The following RBFOX1 variants were observed in gnomAD, a reference collection of about 807,000 sequenced individuals.
The protein encoded by RBFOX1 is RNA binding protein fox-1 homolog 1.
In RBFOX1, 8 loss-of-function variants were observed where a neutral mutation model predicts 57.7. The ratio of observed to expected loss-of-function variants is 0.14; its 90% CI spans 0.08 to 0.25. The LOEUF (loss-of-function observed/expected upper bound fraction) is 0.25. Among genes scored for constraint, RBFOX1 ranks in the 10% least tolerant of loss-of-function variants. The probability of loss-of-function intolerance (pLI) is 1.00; values close to 1 mark genes in which losing one functional copy is unlikely to be tolerated. For missense variants in RBFOX1, 611 were observed against 548.5 expected (o/e 1.11, Z -1.14); for synonymous variants, 326 against 222.4 (o/e 1.47, Z -4.15).
chr16:6,579,044 A>G (rs1215317353), intron 2 of RBFOX1, among the ~76,000 whole-genome samples: 1 of 152,206 alleles, frequency 6.6e-6, no homozygotes, highest in Non-Finnish European at 1.5e-5. Context: ...CTATGAAAAT[A>G]TAAAAATAAC....
chr16:7,209,089 G>A (rs2090585627), intron 4 of RBFOX1, among the ~76,000 whole-genome samples: 1 of 151,790 alleles, frequency 6.6e-6, no homozygotes, highest in South Asian at 2.1e-4. Flanking sequence ...GAGGTCAGGA[G>A]TTCAAGAGCA....
intron 4 of RBFOX1, among the ~76,000 whole-genome samples, chr16:7,437,826 C>G (rs190127074): frequency 4.0e-5 from 6 of 151,332 alleles, no homozygotes; most frequent in Admixed American, 6.6e-5. Context: ...TCGGCCCCTT[C>G]TGCAACTTGA....
rs1373173866 is a variant in RBFOX1, at chr16:5,675,649, G to T, written c.318+76688G>T. Among the ~76,000 whole-genome samples the T allele has an allele frequency of 2.0e-5, 3 of 152,336 alleles. No homozygotes were observed. In the East Asian group the frequency reaches 5.8e-4, roughly 29 times the overall value. The stretch of plus-strand genomic sequence containing the variant: ...GATGGCTTCCGCGTGTCATCGTGCA[G>T]CCCGTGTGGCTGCTGGGCCCAGCCT... On this transcript the variant is annotated intron_variant, in intron 3 of 19. Transcript: ENST00000641259.
intron 3 of RBFOX1, among the ~76,000 whole-genome samples, chr16:6,686,199 C>T (rs1341337015): frequency 2.0e-5 from 3 of 152,150 alleles, no homozygotes; most frequent in Admixed American, 2.0e-4. Context: ...GACAGGTTTC[C>T]ACGGTTCAGA....
intron 3 of RBFOX1, among the ~76,000 whole-genome samples, chr16:5,644,849 G>A (rs1289842990): frequency 6.6e-6 from 1 of 152,152 alleles, no homozygotes; most frequent in African/African-American, 2.4e-5. Context: ...CGCCATGAAC[G>A]TTCATGTGCG....
At chr16:5,983,927 CCCTCCTCCTCCT>C (rs1309784209) in intron 4 of RBFOX1, among the ~76,000 whole-genome samples, 1 of 143,200 alleles carries the variant, frequency 7.0e-6, no homozygotes, top group Admixed American at 7.0e-5. Context: ...CTCCTCCTCC[CCCTCCTCCTCCT>C]CCTCTTCCTC....
At chr16:6,632,313 G>A (rs2098394818) in intron 2 of RBFOX1, among the ~76,000 whole-genome samples, 1 of 151,408 alleles carries the variant, frequency 6.6e-6, no homozygotes, top group South Asian at 2.1e-4. Flanking sequence ...TGCACCAGTT[G>A]TAATAAAGAT....
intron 2 of RBFOX1, among the ~76,000 whole-genome samples, chr16:5,566,883 G>T (rs1323028876): frequency 6.6e-6 from 1 of 152,076 alleles, no homozygotes; most frequent in Non-Finnish European, 1.5e-5. Context: ...AATTAACAGT[G>T]ACTGGTCTGG....
chr16:6,651,915 C>T (rs937049088), intron 2 of RBFOX1, among the ~76,000 whole-genome samples: 2 of 152,136 alleles, frequency 1.3e-5, no homozygotes, highest in Non-Finnish European at 2.9e-5. Context: ...ACACATGCTA[C>T]CACATGGATG....
intron 2 of RBFOX1, among the ~76,000 whole-genome samples, chr16:6,455,268 G>C (rs374745578): frequency 6.6e-6 from 1 of 152,142 alleles, no homozygotes. Context: ...TCAGTCTACT[G>C]GTGTCTGAGA....
At chr16:5,945,997 A>G (rs993142335) in intron 4 of RBFOX1, among the ~76,000 whole-genome samples, 4 of 152,192 alleles carry the variant, frequency 2.6e-5, no homozygotes, top group Non-Finnish European at 5.9e-5. Context: ...GAACATCCAC[A>G]CCGGCGTCCA....
intron 14 of RBFOX1, among the ~76,000 whole-genome samples, chr16:7,700,895 C>CTT (rs2080462808): frequency 6.6e-6 from 1 of 152,160 alleles, no homozygotes; most frequent in Non-Finnish European, 1.5e-5. Context: ...TCTGATTTGC[C>CTT]ATGGGTAAAT....
At chr16:6,145,131 C>A (rs985982320) in intron 1 of RBFOX1, among the ~76,000 whole-genome samples, 2 of 151,866 alleles carry the variant, frequency 1.3e-5, no homozygotes, top group Non-Finnish European at 2.9e-5. Flanking sequence ...AATTTCATCA[C>A]CTAGGTATTA....
At chr16:7,261,861 C>G (rs550384178) in intron 4 of RBFOX1, among the ~76,000 whole-genome samples, 7 of 152,258 alleles carry the variant, frequency 4.6e-5, no homozygotes, top group African/African-American at 1.7e-4. Context: ...TTCATTTGTT[C>G]AGGAGGCAAG....
At chr16:6,346,820 C>G (rs1212180844) in intron 2 of RBFOX1, among the ~76,000 whole-genome samples, 1 of 152,038 alleles carries the variant, frequency 6.6e-6, no homozygotes, top group Non-Finnish European at 1.5e-5. Flanking sequence ...AACGCTGGAT[C>G]TCTCATATAT....
chr16:7,379,780 T>TCCTGCCTGCCTGCCTC (rs973667609), intron 4 of RBFOX1, among the ~76,000 whole-genome samples: 7 of 150,618 alleles, frequency 4.6e-5, no homozygotes, highest in East Asian at 2.0e-4. Flanking sequence ...CTGCCTTCCG[T>TCCTGCCTGCCTGCCTC]CCTGCCTGCC....
intron 2 of RBFOX1, among the ~76,000 whole-genome samples, chr16:6,413,554 T>C: frequency 6.6e-6 from 1 of 152,176 alleles, no homozygotes; most frequent in Non-Finnish European, 1.5e-5. Context: ...AAACCTGTGC[T>C]TTTGAAATGA....
chr16:5,408,655 A>C (rs1008948329), intron 1 of RBFOX1, among the ~76,000 whole-genome samples: 1 of 152,206 alleles, frequency 6.6e-6, no homozygotes, highest in Non-Finnish European at 1.5e-5. Flanking sequence ...TAAAGAAAAG[A>C]GGTTTCATTG....
chr16:5,306,287 G>A (rs889979387), intron 1 of RBFOX1, among the ~76,000 whole-genome samples: 1 of 151,806 alleles, frequency 6.6e-6, no homozygotes, highest in African/African-American at 2.4e-5. Flanking sequence ...TAATATTCCA[G>A]ATACTCCCTT....
Sources: gnomAD v4.1 joint callset for allele counts (sites outside exome capture counted in the v4.1 genomes callset) on GRCh38, gnomAD v4.1.1 for gene constraint, MANE v1.5 for transcripts, NCBI Gene and HGNC (gene_info 2026-07-23, HGNC 2026-07-21) for gene names.